Variants in NOL4 observed in about 807,000 individuals in gnomAD.
The protein encoded by NOL4 is cancer/testis antigen 125.
Under a neutral mutation model 75.9 loss-of-function variants are expected in NOL4, and 17 were observed. The observed-to-expected ratio is 0.22, with a 90% CI of 0.15 to 0.34. The LOEUF (loss-of-function observed/expected upper bound fraction) is 0.34. NOL4 is among the 10% of genes least tolerant of loss of function. The pLI is 1.00. For synonymous variants in NOL4, 292 were observed against 289.9 expected, an observed-to-expected ratio of 1.01 and a Z score of -0.07; for missense variants, 614 against 793.5, an observed-to-expected ratio of 0.77 and a Z score of 2.72.
Position 33,883,269 on chromosome 18 carries a change from T to C in NOL4, c.1698A>G (p.Leu566=). ...HSYRGLGGGL[L]NLNDASSSGP... ...CACTGCTGGAAGCATCATTCAGATT[T>C]AGCAGACCCCCTCCTAGCCCTCTGT... The change falls in exon 10 of 11, where the codon CTA becomes CTG. Residue 566 remains leucine, a synonymous_variant. Coordinates refer to ENST00000261592, the MANE Select transcript of NOL4 (RefSeq NM_003787.5). The C allele has an allele frequency of 6.2e-7, 1 of 1,604,708 alleles. No homozygotes were observed. The highest frequency in any genetic ancestry group is 8.5e-7 in the Non-Finnish European group (1 of 1,176,818).
chr18:34,216,368 T>A (rs1418683651), intron 1 of NOL4, among the ~76,000 whole-genome samples: 1 of 152,030 alleles, frequency 6.6e-6, no homozygotes, highest in Non-Finnish European at 1.5e-5. Context: ...CCTTCAAGGA[T>A]AAAGGTAAAA....
intron 2 of NOL4, among the ~76,000 whole-genome samples, chr18:34,113,168 T>TG (rs985802235): frequency 5.9e-5 from 9 of 152,028 alleles, no homozygotes; most frequent in African/African-American, 2.2e-4. Flanking sequence ...TTGGTGAAGA[T>TG]GGGGTCTCAT....
At chr18:34,041,512 G>GAAAAAAAAA (rs11454269) in intron 5 of NOL4, among the ~76,000 whole-genome samples, 1 of 146,784 alleles carries the variant, frequency 6.8e-6, no homozygotes. Flanking sequence ...TAGCTAAAAT[G>GAAAAAAAAA]AAAAAAAAAA....
intron 4 of NOL4, among the ~76,000 whole-genome samples, chr18:34,095,988 A>C (rs2078760754): frequency 6.6e-5 from 10 of 151,612 alleles, no homozygotes; most frequent in Admixed American, 6.6e-4. Context: ...GTGTGTATTT[A>C]TGTTTAAAGA....
intron 2 of NOL4, among the ~76,000 whole-genome samples, chr18:34,108,194 C>A (rs1412485077): frequency 6.6e-6 from 1 of 152,010 alleles, no homozygotes; most frequent in Non-Finnish European, 1.5e-5. Context: ...AAGAAAAATT[C>A]TGTAAGTAGA....
intron 2 of NOL4, among the ~76,000 whole-genome samples, chr18:34,116,757 T>C (rs1451360778): frequency 6.6e-6 from 1 of 152,168 alleles, no homozygotes; most frequent in Non-Finnish European, 1.5e-5. Context: ...CATAAGTATG[T>C]AACGTAAGTT....
At chr18:34,143,872 A>G (rs1347332417) in intron 1 of NOL4, among the ~76,000 whole-genome samples, 1 of 151,688 alleles carries the variant, frequency 6.6e-6, no homozygotes, top group Non-Finnish European at 1.5e-5. Flanking sequence ...CTCAAAAAAA[A>G]AAAAAAAAAA....
In NOL4 at chr18:33,955,584, A is replaced by T. The variant is rs181495985; in HGVS notation, c.1428+1742T>A. ...AAAGACAATGGAGAGTTTGGCTCTG[A>T]ACTCCCTGGCAGTAAGGCACAAAAG... On this transcript the variant is annotated intron_variant, in intron 8 of 10. Transcript: ENST00000261592. Among the ~76,000 whole-genome samples the T allele has an allele frequency of 6.6e-5, 10 of 152,168 alleles. No homozygotes were observed. In the East Asian group the frequency reaches 1.9e-3, roughly 29 times the overall value.
intron 6 of NOL4, among the ~76,000 whole-genome samples, chr18:34,006,296 G>A (rs1005689393): frequency 6.6e-6 from 1 of 152,072 alleles, no homozygotes; most frequent in Non-Finnish European, 1.5e-5. Context: ...AGGCTAAGGG[G>A]TGCCCAGATA....
At position 34,081,294 on chromosome 18, in the gene NOL4, A is replaced by C. The variant is rs181826313; in HGVS notation, c.772+12171T>G. 2.7e-3 allele frequency among the ~76,000 whole-genome samples: 404 copies of C among 152,292 alleles called. 7 individuals carry two copies. Among genetic ancestry groups the C allele is most frequent in the Non-Finnish European group, 3.5e-4 (24 of 68,002 alleles). ...TGAAGTTTGGCATTTTATTTTGAAA[A>C]GTTTGCTCACATTTGTGTAGGACTG... On this transcript the variant is annotated intron_variant, in intron 5 of 10. Transcript: ENST00000261592.
At chr18:34,221,832 C>T (rs1351729805) in intron 1 of NOL4, among the ~76,000 whole-genome samples, 1 of 152,076 alleles carries the variant, frequency 6.6e-6, no homozygotes, top group Non-Finnish European at 1.5e-5. Context: ...ATATAATATA[C>T]CTCCATTAGA....
intron 1 of NOL4, 104 bp downstream of exon 1, chr18:34,222,886 G>T: frequency 1.4e-6 from 2 of 1,468,772 alleles, no homozygotes; most frequent in Non-Finnish European, 1.8e-6. Context: ...GGGCACACGA[G>T]CCAACGGCGG....
At chr18:34,181,326 T>A (rs1179157906) in intron 1 of NOL4, among the ~76,000 whole-genome samples, 1 of 151,560 alleles carries the variant, frequency 6.6e-6, no homozygotes, top group Admixed American at 6.6e-5. Flanking sequence ...TGGTAAATAA[T>A]AATCTTTTCC....
At chr18:34,193,236 A>C (rs868524370) in intron 1 of NOL4, among the ~76,000 whole-genome samples, 2 of 152,094 alleles carry the variant, frequency 1.3e-5, no homozygotes, top group South Asian at 4.1e-4. Context: ...AAACACAGCA[A>C]AAAAAGCAGA....
At chr18:34,017,896 T>C (rs1339537520) in intron 6 of NOL4, among the ~76,000 whole-genome samples, 2 of 152,128 alleles carry the variant, frequency 1.3e-5, no homozygotes, top group Non-Finnish European at 2.9e-5. Context: ...GGCTCATTTA[T>C]CATCTTAACC....
chr18:33,964,232 A>G (rs1471631382), intron 6 of NOL4, among the ~76,000 whole-genome samples: 21 of 152,130 alleles, frequency 1.4e-4, no homozygotes, highest in Admixed American at 1.3e-3. Context: ...GACTGATTAC[A>G]CTTTTGAGTT....
At chr18:34,083,420 G>A (rs2078100432) in intron 5 of NOL4, among the ~76,000 whole-genome samples, 1 of 152,120 alleles carries the variant, frequency 6.6e-6, no homozygotes, top group Admixed American at 6.6e-5. Flanking sequence ...GAGAAAAATG[G>A]GGGTGTCTCC....
intron 6 of NOL4, among the ~76,000 whole-genome samples, chr18:33,988,162 A>G (rs2072612793): frequency 6.6e-6 from 1 of 152,110 alleles, no homozygotes; most frequent in South Asian, 2.1e-4. Context: ...TTTGAAAAAG[A>G]AAAACACTGT....
At chr18:34,139,679 T>C (rs144884427) in intron 1 of NOL4, among the ~76,000 whole-genome samples, 2,230 of 152,296 alleles carry the variant, frequency 0.015, 15 homozygotes, top group Middle Eastern at 0.034. Context: ...TCTATATCCT[T>C]CAGTTCCGCT....
Sources: allele counts gnomAD v4.1 joint callset (sites outside exome capture counted in the v4.1 genomes callset), GRCh38; gene constraint gnomAD v4.1.1; transcripts MANE v1.5; gene names NCBI Gene and HGNC (gene_info 2026-07-23, HGNC 2026-07-21).